The following MAST4 variants were observed in gnomAD, a reference collection of about 807,000 sequenced individuals.
MAST4 encodes the protein microtubule associated serine/threonine kinase family member 4.
Under a neutral mutation model 162.7 loss-of-function variants are expected in MAST4, and 89 were observed. The ratio of observed to expected loss-of-function variants is 0.55; its 90% confidence interval spans 0.46 to 0.65. The LOEUF is 0.65. MAST4 is among the 30% of genes least tolerant of loss of function. MAST4 has a pLI of 0.00. For synonymous variants in MAST4, 1,479 were observed against 1,361.1 expected, an observed-to-expected ratio of 1.09 and a Z score of -1.91; for missense variants, 3,153 against 3,374.0, an observed-to-expected ratio of 0.93 and a Z score of 1.62.
At chr5:66,838,585 T>C (rs1210625164) in intron 3 of MAST4, among the ~76,000 whole-genome samples, 1 of 152,180 alleles carries the variant, frequency 6.6e-6, no homozygotes, top group East Asian at 1.9e-4. Flanking sequence ...TAGCAAATGC[T>C]ACAACTATCA....
chr5:66,823,142 A>T (rs1465335227), intron 3 of MAST4, among the ~76,000 whole-genome samples: 2 of 152,096 alleles, frequency 1.3e-5, no homozygotes, highest in Non-Finnish European at 2.9e-5. Context: ...TGTCGTGAAG[A>T]AGGTGGCTTG....
intron 4 of MAST4, among the ~76,000 whole-genome samples, chr5:66,965,869 G>A (rs1746666340): frequency 6.7e-6 from 1 of 150,292 alleles, no homozygotes; most frequent in Non-Finnish European, 1.5e-5. Context: ...ACCAATCTGA[G>A]TTCAAACTGA....
At chr5:66,767,195 G>GTA (rs1016242500) in intron 2 of MAST4, among the ~76,000 whole-genome samples, 5 of 151,588 alleles carry the variant, frequency 3.3e-5, no homozygotes, top group African/African-American at 1.2e-4. Context: ...GTGTGTGTGT[G>GTA]TGTGTGTGTG....
At chr5:67,071,339 A>T (rs7731432) in intron 5 of MAST4, among the ~76,000 whole-genome samples, 5,502 of 152,326 alleles carry the variant, frequency 0.036, 334 homozygotes, top group African/African-American at 0.13. Context: ...CTAGATAATG[A>T]TGTAATGGCC....
intron 3 of MAST4, among the ~76,000 whole-genome samples, chr5:66,862,843 G>T (rs1272154733): frequency 6.6e-6 from 1 of 152,174 alleles, no homozygotes; most frequent in Non-Finnish European, 1.5e-5. Flanking sequence ...TGATGTCCAG[G>T]AAGGCTGAGT....
At chr5:66,903,943 A>G (rs1190092614) in intron 4 of MAST4, among the ~76,000 whole-genome samples, 15 of 152,212 alleles carry the variant, frequency 9.9e-5, no homozygotes, top group Admixed American at 9.8e-4. Context: ...TGGTGATGCC[A>G]TGGCTGGATG....
intron 1 of MAST4, among the ~76,000 whole-genome samples, chr5:66,759,371 C>G (rs1007094210): frequency 6.6e-6 from 1 of 152,136 alleles, no homozygotes; most frequent in Admixed American, 6.5e-5. Flanking sequence ...TGAAACAATC[C>G]TTTCCCTTTC....
At chr5:67,096,611 A>C (rs1297857429) in intron 7 of MAST4, among the ~76,000 whole-genome samples, 1 of 152,164 alleles carries the variant, frequency 6.6e-6, no homozygotes, top group African/African-American at 2.4e-5. Flanking sequence ...ACTACAGTTA[A>C]ATAGATAAAT....
chr5:66,996,442 C>G (rs1439206102), intron 4 of MAST4, among the ~76,000 whole-genome samples: 1 of 151,612 alleles, frequency 6.6e-6, no homozygotes, highest in Admixed American at 6.6e-5. Flanking sequence ...TTAAAAATAT[C>G]ATTGTTTTAG....
intron 3 of MAST4, among the ~76,000 whole-genome samples, chr5:66,802,006 A>G (rs975808855): frequency 2.0e-5 from 3 of 152,210 alleles, no homozygotes; most frequent in East Asian, 3.8e-4. Flanking sequence ...AACAAATGTT[A>G]GCATGTTAAG....
At chr5:66,970,398 G>A (rs73768765) in intron 4 of MAST4, among the ~76,000 whole-genome samples, 24,055 of 152,140 alleles carry the variant, frequency 0.16, 3,341 homozygotes, top group African/African-American at 0.37. Flanking sequence ...TTTAAAATGG[G>A]TATTATAAGC....
chr5:66,907,204 A>AGAGAGAGT (rs1763425801), intron 4 of MAST4, among the ~76,000 whole-genome samples: 2 of 86,484 alleles, frequency 2.3e-5, no homozygotes, highest in Admixed American at 1.1e-4. Flanking sequence ...AGAGAGAGAG[A>AGAGAGAGT]GAGTCCTGCT....
At chr5:66,661,730 C>G (rs13170214) in intron 1 of MAST4, among the ~76,000 whole-genome samples, 39,823 of 151,988 alleles carry the variant, frequency 0.26, 5,518 homozygotes, top group Admixed American at 0.38. Context: ...AAAGAAAACT[C>G]AAAGCCAAAG....
At chr5:66,782,491 C>T (rs531061819) in intron 2 of MAST4, among the ~76,000 whole-genome samples, 115 of 152,298 alleles carry the variant, frequency 7.6e-4, no homozygotes, top group African/African-American at 2.7e-3. Context: ...TACAAGAAGT[C>T]CATTCAAACA....
intron 3 of MAST4, among the ~76,000 whole-genome samples, chr5:66,887,646 T>A (rs1298819695): frequency 2.0e-5 from 3 of 152,200 alleles, no homozygotes; most frequent in Non-Finnish European, 4.4e-5. Flanking sequence ...TTCCTAATAC[T>A]CAATTTCCCC....
intron 1 of MAST4, among the ~76,000 whole-genome samples, chr5:66,717,042 A>G (rs531386119): frequency 8.5e-4 from 130 of 152,272 alleles, no homozygotes; most frequent in African/African-American, 3.0e-3. Flanking sequence ...GGCGATGAGT[A>G]TTAAGCGGGA....
chr5:66,751,608 G>T (rs1343101608), intron 1 of MAST4, among the ~76,000 whole-genome samples: 1 of 151,250 alleles, frequency 6.6e-6, no homozygotes, highest in Non-Finnish European at 1.5e-5. Context: ...AGAATAAAAA[G>T]AAATGAGCAA....
rs78110048 is a variant in MAST4, at chr5:66,867,278, G to A, written c.643-32673G>A. Reference sequence around the variant, plus strand: ...AACTTATACCTGATTTAAAGAATTAGGCTTTTATAAATCGTCTGATGTTAG... The same window carrying A: ...AACTTATACCTGATTTAAAGAATTAAGCTTTTATAAATCGTCTGATGTTAG... On this transcript the variant is annotated intron_variant, in intron 3 of 28. Coordinates refer to ENST00000403625, the MANE Select transcript of MAST4 (RefSeq NM_001164664.2). Among the ~76,000 whole-genome samples, 436 of 152,190 alleles carry A rather than the reference G, an allele frequency of 2.9e-3. 16 individuals are homozygous for A. In the East Asian group the frequency reaches 0.072, roughly 25 times the overall value.
intron 1 of MAST4, among the ~76,000 whole-genome samples, chr5:66,642,338 G>A (rs1419469696): frequency 6.6e-6 from 1 of 152,192 alleles, no homozygotes; most frequent in African/African-American, 2.4e-5. Flanking sequence ...AACATGGAAG[G>A]AGGAACCTCA....
Sources: allele counts gnomAD v4.1 joint callset (sites outside exome capture counted in the v4.1 genomes callset), GRCh38; gene constraint gnomAD v4.1.1; transcripts MANE v1.5; gene names NCBI Gene and HGNC (gene_info 2026-07-23, HGNC 2026-07-21).